The following AGAP1 variants were observed in gnomAD, a reference collection of about 807,000 sequenced individuals.
AGAP1 encodes arf-GAP with GTPase, ANK repeat and PH domain-containing protein 1.
Under a neutral mutation model 105.3 loss-of-function variants are expected in AGAP1, and 29 were observed. That is an observed-to-expected ratio of 0.28 (90% CI 0.21 to 0.38). The LOEUF (loss-of-function observed/expected upper bound fraction) is 0.38. AGAP1 is among the 10% of genes least tolerant of loss of function. The pLI, the probability that AGAP1 is intolerant of heterozygous loss-of-function variation, is 1.00. For missense variants in AGAP1, 998 were observed against 1,165.1 expected, an observed-to-expected ratio of 0.86 and a Z score of 2.09; for synonymous variants, 509 against 485.9, an observed-to-expected ratio of 1.05 and a Z score of -0.63.
rs1209177503 is a variant in AGAP1 at position 235,953,368 on chromosome 2, C to T, written c.1484-15094C>T. ...CAAGGGAAAAGAAAACGTAATTTAT[C>T]GTTATAAGATGTTAATTTTTTATTC... On this transcript the variant is annotated intron_variant, in intron 12 of 17. Coordinates refer to ENST00000304032, the MANE Select transcript of AGAP1 (RefSeq NM_001037131.3). This position sits in a 1 kb window ranked among gnomAD's most constrained non-coding sequence, Gnocchi z 5.2. 1.3e-5 allele frequency among the ~76,000 whole-genome samples: 2 copies of T among 152,090 alleles called. No individual in the cohort carries two copies. The highest frequency in any genetic ancestry group is 1.9e-4 in the East Asian group (1 of 5,180).
chr2:235,944,815 G>A (rs1044855521), intron 12 of AGAP1, among the ~76,000 whole-genome samples: 1 of 152,156 alleles, frequency 6.6e-6, no homozygotes, highest in Non-Finnish European at 1.5e-5. Context: ...CCCCAGATGA[G>A]ATTTGTGAGG....
In AGAP1 at chr2:236,130,234, G is replaced by T. The variant is rs1371460856; in HGVS notation, c.*6112G>T. The T allele has an allele frequency of 6.6e-6, 1 of 152,204 alleles. No individual in the cohort carries two copies. The highest frequency in any genetic ancestry group is 1.5e-5 in the Non-Finnish European group (1 of 68,076). 9.4% of individuals were successfully genotyped at this position (152,204 alleles called of 1,614,324 possible). On this transcript the variant is annotated 3_prime_UTR_variant, in exon 18 of 18. Coordinates refer to ENST00000304032, the MANE Select transcript of AGAP1 (RefSeq NM_001037131.3). The surrounding 1 kb of genome is among the most constrained non-coding windows in gnomAD (Gnocchi z 5.8). ...GAATGTGAGGAGAGGCTGGCTCAGG[G>T]CTTGGTTTTCATTTTGGCCTGGCAC...
intron 1 of AGAP1, among the ~76,000 whole-genome samples, chr2:235,616,326 A>C (rs1946306237): frequency 6.6e-6 from 1 of 150,622 alleles, no homozygotes; most frequent in South Asian, 2.1e-4. Flanking sequence ...GCGCCACTCT[A>C]CTCCAGCCTG....
intron 9 of AGAP1, among the ~76,000 whole-genome samples, chr2:235,808,070 G>A (rs1167792617): frequency 1.3e-5 from 2 of 151,580 alleles, no homozygotes; most frequent in Admixed American, 6.6e-5. Flanking sequence ...TGGAGTCCAC[G>A]TGTGACGTAG....
chr2:236,070,766 G>T (rs1184662639), intron 16 of AGAP1, among the ~76,000 whole-genome samples: 1 of 152,096 alleles, frequency 6.6e-6, no homozygotes, highest in Admixed American at 6.5e-5. Flanking sequence ...GTGGCCCTGG[G>T]CCGGGGCAGG....
In AGAP1 at chr2:235,596,151, T is replaced by C. The variant is rs1945518789; in HGVS notation, c.163+101302T>C. Among the ~76,000 whole-genome samples, 1 of 152,220 alleles carries C rather than the reference T, an allele frequency of 6.6e-6. No individual in the cohort carries two copies. Among genetic ancestry groups the C allele is most frequent in the South Asian group, 2.1e-4 (1 of 4,828 alleles). ...GCACAGCCTTCAGTCTAACTTCATG[T>C]CAAGTCTAAGTGGCACAGCTATCCA... On this transcript the variant is annotated intron_variant, in intron 1 of 17. Coordinates refer to ENST00000304032, the MANE Select transcript of AGAP1 (RefSeq NM_001037131.3). The surrounding 1 kb of genome is among the most constrained non-coding windows in gnomAD (Gnocchi z 5.9).
At chr2:235,693,606 C>G (rs780413863) in intron 1 of AGAP1, among the ~76,000 whole-genome samples, 15 of 152,190 alleles carry the variant, frequency 9.9e-5, no homozygotes, top group Admixed American at 2.0e-4. Context: ...GGCTGTAGTC[C>G]TAGGTACTCG....
chr2:235,520,629 G>A (rs984510127), intron 1 of AGAP1, among the ~76,000 whole-genome samples: 2 of 152,104 alleles, frequency 1.3e-5, no homozygotes, highest in East Asian at 1.9e-4. Context: ...CTCGTCAGAG[G>A]TTGCAAAATG....
chr2:235,516,512 G>A (rs1247995698), intron 1 of AGAP1, among the ~76,000 whole-genome samples: 1 of 152,138 alleles, frequency 6.6e-6, no homozygotes, highest in Non-Finnish European at 1.5e-5. Context: ...TGAATTTGGA[G>A]CCTCTGTTTC....
intron 11 of AGAP1, among the ~76,000 whole-genome samples, chr2:235,916,270 T>G (rs990427167): frequency 2.6e-5 from 4 of 152,196 alleles, no homozygotes; most frequent in Admixed American, 2.6e-4. Context: ...ATTATCCACT[T>G]CCATTCTTTT....
rs947603482 is a variant in AGAP1, at chr2:235,720,913, A to G, written c.310+3269A>G. Among the ~76,000 whole-genome samples, 2 of 152,168 alleles carry G rather than the reference A, an allele frequency of 1.3e-5. No individual in the cohort carries two copies. Among genetic ancestry groups the G allele is most frequent in the African/African-American group, 4.8e-5 (2 of 41,434 alleles). Reference sequence around the variant, plus strand: ...CATTTTAGCTCCATCCCAGAGGGTAATATCTGCTGTCTTTTCGTTGTATGA... The same window carrying G: ...CATTTTAGCTCCATCCCAGAGGGTAGTATCTGCTGTCTTTTCGTTGTATGA... On this transcript the variant is annotated intron_variant, in intron 3 of 17. Transcript: ENST00000304032. The surrounding 1 kb of genome is among the most constrained non-coding windows in gnomAD (Gnocchi z 5.0).
chr2:236,078,534 C>T lies in AGAP1; in HGVS notation c.2114+29253C>T, dbSNP rs1056356794. ...GAGAATTCCTTCCCAGCAAAAGCCGCACGCTGCTTCTCCCAGAGGGGTGGG... is the reference window on the plus strand; with the variant it reads ...GAGAATTCCTTCCCAGCAAAAGCCGTACGCTGCTTCTCCCAGAGGGGTGGG... On this transcript the variant is annotated intron_variant, in intron 16 of 17. Coordinates refer to ENST00000304032, the MANE Select transcript of AGAP1 (RefSeq NM_001037131.3). The surrounding 1 kb of genome is among the most constrained non-coding windows in gnomAD (Gnocchi z 5.3). Among the ~76,000 whole-genome samples, 2 of 152,184 alleles carry T rather than the reference C, an allele frequency of 1.3e-5. No homozygotes were observed. Among genetic ancestry groups the T allele is most frequent in the African/African-American group, 4.8e-5 (2 of 41,442 alleles).
In AGAP1 at chr2:235,989,867, C is replaced by G. The variant is rs2125448435; in HGVS notation, c.1645+21244C>G. 6.6e-6 allele frequency among the ~76,000 whole-genome samples: 1 copy of G among 152,238 alleles called. No homozygotes were observed. Among genetic ancestry groups the G allele is most frequent in the East Asian group, 1.9e-4 (1 of 5,154 alleles). ...AGGAAATCCATGCGTCTTCCTTTTGCCCACAGGAGAAGAGATGAAAGAGAG... is the reference window on the plus strand; with the variant it reads ...AGGAAATCCATGCGTCTTCCTTTTGGCCACAGGAGAAGAGATGAAAGAGAG... On this transcript the variant is annotated intron_variant, in intron 13 of 17. Coordinates refer to ENST00000304032, the MANE Select transcript of AGAP1 (RefSeq NM_001037131.3). The surrounding 1 kb of genome is among the most constrained non-coding windows in gnomAD (Gnocchi z 4.4).
intron 13 of AGAP1, among the ~76,000 whole-genome samples, chr2:235,969,790 G>A (rs192856353): frequency 6.6e-6 from 1 of 152,298 alleles, no homozygotes; most frequent in African/African-American, 2.4e-5. Flanking sequence ...GGAAGCTGAA[G>A]TTCGGAGCTC....
In AGAP1 at chr2:235,692,681, G is replaced by C. The variant is rs183610582; in HGVS notation, c.164-16498G>C. On this transcript the variant is annotated intron_variant, in intron 1 of 17. Transcript: ENST00000304032. This position sits in a 1 kb window ranked among gnomAD's most constrained non-coding sequence, Gnocchi z 5.8. Reference sequence around the variant, plus strand: ...TCAGGCCCAGCACCTCAGAGAAGCCGATGACTGACGTGCACCCCGCCAGCC... The same window carrying C: ...TCAGGCCCAGCACCTCAGAGAAGCCCATGACTGACGTGCACCCCGCCAGCC... Among the ~76,000 whole-genome samples, 2 of 152,208 alleles carry C rather than the reference G, an allele frequency of 1.3e-5. No homozygotes were observed. Among genetic ancestry groups the C allele is most frequent in the East Asian group, 1.9e-4 (1 of 5,174 alleles).
chr2:235,847,792 C>T (rs1961676784), intron 9 of AGAP1, among the ~76,000 whole-genome samples: 1 of 152,186 alleles, frequency 6.6e-6, no homozygotes, highest in South Asian at 2.1e-4. Flanking sequence ...AGCCAAGCTC[C>T]CTGGGGCTCC....
At chr2:235,638,008 A>G (rs1377161221) in intron 1 of AGAP1, among the ~76,000 whole-genome samples, 1 of 152,108 alleles carries the variant, frequency 6.6e-6, no homozygotes, top group Non-Finnish European at 1.5e-5. Flanking sequence ...TACTCGTTCT[A>G]CTGATCGAGC....
At chr2:235,816,431 C>T (rs1315369570) in intron 9 of AGAP1, among the ~76,000 whole-genome samples, 2 of 119,588 alleles carry the variant, frequency 1.7e-5, no homozygotes, top group Non-Finnish European at 3.6e-5. Context: ...GAGCGAGACT[C>T]CGTCTCAAAA....
chr2:235,892,880 G>T (rs2050611463), intron 10 of AGAP1, among the ~76,000 whole-genome samples: 1 of 152,220 alleles, frequency 6.6e-6, no homozygotes, highest in Non-Finnish European at 1.5e-5. Flanking sequence ...ACTGACAAAT[G>T]TGAAGGCCAG....
Sources: allele counts gnomAD v4.1 joint callset (sites outside exome capture counted in the v4.1 genomes callset), GRCh38; gene constraint gnomAD v4.1.1; non-coding constraint Gnocchi (gnomAD v3.1); transcripts MANE v1.5; gene names NCBI Gene and HGNC (gene_info 2026-07-23, HGNC 2026-07-21).